Variants in PARP15 observed in about 807,000 individuals in gnomAD.
The protein encoded by PARP15 is poly(ADP-ribose) polymerase family member 15, also known as protein mono-ADP-ribosyltransferase PARP15.
In PARP15, 50 loss-of-function variants were observed where a neutral mutation model predicts 62.1. The observed-to-expected ratio is 0.81, with a 90% CI of 0.64 to 1.02. The LOEUF is 1.02. Ranked by LOEUF, PARP15 falls within the 50% of genes least tolerant of loss-of-function variation. PARP15 has a pLI of 0.00. For synonymous variants in PARP15, 309 were observed against 293.1 expected (o/e 1.05, Z -0.55); for missense variants, 820 against 826.5 (o/e 0.99, Z 0.10).
At chr3:122,602,934 T>C (rs1934908921) in intron 1 of PARP15, among the ~76,000 whole-genome samples, 1 of 152,224 alleles carries the variant, frequency 6.6e-6, no homozygotes, top group African/African-American at 2.4e-5. Flanking sequence ...AGGAAGACAC[T>C]CTATTTCAGT....
At position 122,636,762 on chromosome 3, in the gene PARP15, G is replaced by A. The variant is rs1045789305; in HGVS notation, c.*662G>A. The A allele has an allele frequency of 2.0e-5, 3 of 152,178 alleles. No homozygotes were observed. Among genetic ancestry groups the A allele is most frequent in the African/African-American group, 7.2e-5 (3 of 41,384 alleles). 9.4% of individuals were successfully genotyped at this position (152,178 alleles called of 1,614,324 possible). On this transcript the variant is annotated 3_prime_UTR_variant, in exon 12 of 12. Coordinates refer to ENST00000464300, the MANE Select transcript of PARP15 (RefSeq NM_001113523.3). ...TGGCTTACCTGGATCATTCTGCTAG[G>A]GTCTCTCTGAAGTTACAGACAAGAT... is the stretch of plus-strand genomic sequence containing the variant.
intron 1 of PARP15, among the ~76,000 whole-genome samples, chr3:122,605,718 C>T (rs1284644997): frequency 6.6e-6 from 1 of 152,108 alleles, no homozygotes; most frequent in East Asian, 1.9e-4. Flanking sequence ...GCACTACAGG[C>T]ACATGCCACT....
rs116085231 is a variant in PARP15 at position 122,619,850 on chromosome 3, G to A, written c.1063+7G>A. The A allele has an allele frequency of 1.9e-3, 3,086 of 1,610,252 alleles. 29 individuals carry two copies. In the African/African-American group the frequency reaches 0.027, roughly 14 times the overall value. On this transcript the variant is annotated splice_region_variant and intron_variant, in intron 7 of 11. Transcript: ENST00000464300. Reference sequence around the variant, plus strand: ...AGTGAATGTGCTGTACTAGGTATGGGCACATGTTACTTTTGACTACAAACT... The same window carrying A: ...AGTGAATGTGCTGTACTAGGTATGGACACATGTTACTTTTGACTACAAACT...
At chr3:122,598,027 A>G (rs1353731645) in intron 1 of PARP15, among the ~76,000 whole-genome samples, 2 of 152,158 alleles carry the variant, frequency 1.3e-5, no homozygotes, top group Admixed American at 6.5e-5. Context: ...TTTTCAATCA[A>G]TGGTTGGTTG....
chr3:122,584,574 C>CTTTTTTTT (rs1295988177), intron 1 of PARP15, among the ~76,000 whole-genome samples: 1 of 136,640 alleles, frequency 7.3e-6, no homozygotes, highest in Admixed American at 7.9e-5. Context: ...CATTTCTTTC[C>CTTTTTTTT]TTTTTTTTTT....
At position 122,632,191 on chromosome 3, in the gene PARP15, G is replaced by A. The variant is rs745329291; in HGVS notation, c.1544G>A (p.Arg515Gln). 13 of 1,613,602 alleles carry A rather than the reference G, an allele frequency of 8.1e-6. No homozygotes were observed. In the African/African-American group the frequency reaches 9.3e-5, roughly 12 times the overall value. Residue 515 changes from arginine to glutamine, a missense_variant, in exon 10 of 12, where the codon CGA becomes CAA. This residue lies in a region of PARP15 where 731 missense variants were observed against 727.7 expected (regional missense o/e 1.00). Coordinates refer to ENST00000464300, the MANE Select transcript of PARP15 (RefSeq NM_001113523.3). ...EYNTIKDKFT[R>Q]TCSSYAIEKI... ...AATACCATAAAGGACAAGTTCACCC[G>A]AACTTGTTCTTCCTACGCAATAGAG...
intron 5 of PARP15, among the ~76,000 whole-genome samples, chr3:122,616,211 G>A (rs1446158048): frequency 6.6e-6 from 1 of 152,134 alleles, no homozygotes; most frequent in African/African-American, 2.4e-5. Flanking sequence ...AACGTTGAAA[G>A]GTAGATCTAA....
At chr3:122,632,911 G>A (rs1937139623) in intron 10 of PARP15, among the ~76,000 whole-genome samples, 1 of 152,134 alleles carries the variant, frequency 6.6e-6, no homozygotes, top group Non-Finnish European at 1.5e-5. Context: ...TTGCTGATGG[G>A]GTAGAATGCA....
At chr3:122,629,840 C>CA (rs1026001867) in intron 9 of PARP15, among the ~76,000 whole-genome samples, 3 of 152,150 alleles carry the variant, frequency 2.0e-5, no homozygotes, top group Non-Finnish European at 2.9e-5. Flanking sequence ...GCACAGTTCA[C>CA]AATAGGGTTT....
At chr3:122,586,218 T>C (rs1933414015) in intron 1 of PARP15, among the ~76,000 whole-genome samples, 2 of 76,930 alleles carry the variant, frequency 2.6e-5, no homozygotes, top group Admixed American at 3.5e-4. Context: ...ATATTTCATA[T>C]GTTAAACGTA....
chr3:122,579,446 G>T (rs2080752621), intron 1 of PARP15, among the ~76,000 whole-genome samples: 1 of 152,054 alleles, frequency 6.6e-6, no homozygotes, highest in Non-Finnish European at 1.5e-5. Flanking sequence ...GTATAATGAA[G>T]ATATAAAAGA....
chr3:122,580,668 A>C (rs78418324), intron 1 of PARP15, among the ~76,000 whole-genome samples: 9,382 of 152,184 alleles, frequency 0.062, 927 homozygotes, highest in African/African-American at 0.21. Context: ...CATCCATGTG[A>C]TAGCATGTGT....
Position 122,617,039 on chromosome 3 carries a change from C to A in PARP15, c.875C>A (p.Pro292His), listed in dbSNP as rs747311527. Residue 292 changes from proline to histidine, a missense_variant, in exon 6 of 12, where the codon CCT becomes CAT. Physicochemically the swap from Pro to His is moderately conservative, Grantham distance 77. Transcript: ENST00000464300. ...GGTGTGGTCGGGACTGTCTCTAAGC[C>A]TTGTTTCACAGCATATGAAATGAAA... Reference protein sequence around the residue: ...TQGVVGTVSKPCFTAYEMKIG... With the variant: ...TQGVVGTVSKHCFTAYEMKIG... 6.2e-7 allele frequency: 1 copy of A among 1,614,070 alleles called. No individual in the cohort carries two copies.
At chr3:122,583,451 A>G (rs1043713107) in intron 1 of PARP15, among the ~76,000 whole-genome samples, 1 of 151,788 alleles carries the variant, frequency 6.6e-6, no homozygotes, top group Non-Finnish European at 1.5e-5. Context: ...ATTAGTTTCA[A>G]TTGATTTATT....
intron 9 of PARP15, among the ~76,000 whole-genome samples, chr3:122,628,654 C>T (rs1936883256): frequency 6.6e-6 from 1 of 152,092 alleles, no homozygotes; most frequent in African/African-American, 2.4e-5. Flanking sequence ...AAGAGAGAAG[C>T]AAACAAAAAA....
At chr3:122,584,144 T>G (rs1340314931) in intron 1 of PARP15, among the ~76,000 whole-genome samples, 2 of 152,218 alleles carry the variant, frequency 1.3e-5, no homozygotes, top group Non-Finnish European at 2.9e-5. Context: ...AAAAAATATT[T>G]TAGATATCTT....
chr3:122,615,929 A>C, intron 5 of PARP15, 72 bp downstream of exon 5: 2 of 1,423,526 alleles, frequency 1.4e-6, no homozygotes, highest in South Asian at 1.2e-5. Context: ...GTTGAAGTCC[A>C]GTAGAAGTAG....
At chr3:122,618,460 T>C (rs963808113) in intron 6 of PARP15, among the ~76,000 whole-genome samples, 1 of 152,182 alleles carries the variant, frequency 6.6e-6, no homozygotes, top group Non-Finnish European at 1.5e-5. Flanking sequence ...AGAGAAAATT[T>C]AGTACCTGCA....
intron 2 of PARP15, among the ~76,000 whole-genome samples, 198 bp from the exon 3 acceptor site, chr3:122,610,296 G>A (rs1935468875): frequency 6.6e-6 from 1 of 152,078 alleles, no homozygotes; most frequent in Admixed American, 6.5e-5. Context: ...TTTCCTTAAT[G>A]TCTAAGTTTT....
Sources: allele counts gnomAD v4.1 joint callset (sites outside exome capture counted in the v4.1 genomes callset), GRCh38; gene constraint gnomAD v4.1.1; regional missense constraint gnomAD v4.1.1; transcripts MANE v1.5; gene names NCBI Gene and HGNC (gene_info 2026-07-23, HGNC 2026-07-21).